Variants in C6 observed in about 807,000 individuals in gnomAD.
The protein encoded by C6 is complement component C6.
C6 carries 101 observed loss-of-function variants against 112.9 expected under a neutral mutation model. The observed-to-expected ratio is 0.89, with a 90% CI of 0.76 to 1.06. The LOEUF (loss-of-function observed/expected upper bound fraction) is 1.06, where lower values mean the gene tolerates loss of function less well. C6 is among the 50% of genes least tolerant of loss of function. The pLI is 0.00. For missense variants in C6, 1,202 were observed against 1,104.6 expected, an observed-to-expected ratio of 1.09 and a Z score of -1.25; for synonymous variants, 431 against 384.1, an observed-to-expected ratio of 1.12 and a Z score of -1.43.
At chr5:41,245,968 T>A (rs1204184433) in intron 1 of C6, among the ~76,000 whole-genome samples, 2 of 152,216 alleles carry the variant, frequency 1.3e-5, no homozygotes, top group Non-Finnish European at 2.9e-5. Context: ...AATAGGAAAT[T>A]ATCCCTCTGA....
rs1392821236 is a variant in C6, at chr5:41,160,360, G to C, written c.1466C>G (p.Pro489Arg). Residue 489 changes from proline (P) to arginine (R), a missense_variant, in exon 11 of 18, where the codon CCC becomes CGC. By Grantham distance (103) the Pro-to-Arg change is moderately radical. Coordinates refer to ENST00000337836, the MANE Select transcript of C6 (RefSeq NM_000065.5). The stretch of plus-strand genomic sequence containing the variant: ...GATGTTTCTTACCAAGTCCACGATG[G>C]GGGCAAGCTAGGAGAAAATGGGAGA... ...NPAVIDFELA[P>R]IVDLVRNIPC... The C allele has an allele frequency of 2.5e-6, 4 of 1,613,480 alleles. No individual in the cohort carries two copies. The highest frequency in any genetic ancestry group is 3.4e-6 in the Non-Finnish European group (4 of 1,179,570).
intron 5 of C6, among the ~76,000 whole-genome samples, chr5:41,193,765 C>T (rs750253830): frequency 6.6e-4 from 98 of 148,180 alleles, no homozygotes; most frequent in Non-Finnish European, 1.1e-3. Context: ...GGAGAAATAT[C>T]AGTTAAGAAG....
intron 1 of C6, among the ~76,000 whole-genome samples, chr5:41,248,933 G>T (rs1418721758): frequency 1.3e-5 from 2 of 152,082 alleles, no homozygotes; most frequent in South Asian, 4.2e-4. Flanking sequence ...GGTCATCAAT[G>T]GTGGATTGGT....
At chr5:41,225,868 A>T (rs1739463090) in intron 1 of C6, among the ~76,000 whole-genome samples, 2 of 152,224 alleles carry the variant, frequency 1.3e-5, no homozygotes, top group South Asian at 4.1e-4. Context: ...TCCCTATTTA[A>T]TAAATGGTGC....
rs549375714 is a variant in C6 at position 41,252,398 on chromosome 5, C to A, written c.-21+8796G>T. Among the ~76,000 whole-genome samples, 19 of 152,246 alleles carry A rather than the reference C, an allele frequency of 1.2e-4. No homozygotes were observed. In the East Asian group the frequency reaches 3.7e-3, roughly 29 times the overall value. On this transcript the variant is annotated intron_variant, in intron 1 of 17. Transcript: ENST00000263413. ...CAGTTATGCCTCATTATACCCCTCCCTTTGGAGTTGAGGCAAAACTGACCA... is the reference window on the plus strand; with the variant it reads ...CAGTTATGCCTCATTATACCCCTCCATTTGGAGTTGAGGCAAAACTGACCA...
intron 1 of C6, among the ~76,000 whole-genome samples, chr5:41,257,973 T>C (rs2150446043): frequency 6.6e-6 from 1 of 152,244 alleles, no homozygotes; most frequent in East Asian, 1.9e-4. Flanking sequence ...AAATTTCACA[T>C]AGAAAAAAAT....
rs1425152497 is a variant in C6, at chr5:41,199,807, C to T, written c.406G>A (p.Glu136Lys). 1 of 1,613,670 alleles carries T rather than the reference C, an allele frequency of 6.2e-7. No individual in the cohort carries two copies. Among genetic ancestry groups the T allele is most frequent in the Non-Finnish European group, 8.5e-7 (1 of 1,179,756 alleles). The change falls in exon 4 of 18, where the codon GAA becomes AAA. Residue 136 changes from glutamate (E) to lysine (K), a missense_variant. Physicochemically the swap from Glu to Lys is moderately conservative, Grantham distance 56 (BLOSUM62 1). Coordinates refer to ENST00000337836, the MANE Select transcript of C6 (RefSeq NM_000065.5). ...AATTTATTCTTGCAGTCAGCCTCTT[C>T]AATTTTGCAGAGCTTAGATGGAATG... is the stretch of plus-strand genomic sequence containing the variant. ...PCIPSKLCKIEEADCKNKFRC... is the reference protein window; with the variant it reads ...PCIPSKLCKIKEADCKNKFRC...
intron 1 of C6, among the ~76,000 whole-genome samples, chr5:41,233,181 T>G (rs1405594293): frequency 6.6e-6 from 1 of 152,106 alleles, no homozygotes; most frequent in Non-Finnish European, 1.5e-5. Flanking sequence ...AAATTTTAAT[T>G]AACATTTTTA....
At position 41,142,651 on chromosome 5, in the gene C6, C is replaced by A; in HGVS notation, c.*174G>T. 1 of 645,274 alleles carries A rather than the reference C, an allele frequency of 1.5e-6. No individual in the cohort carries two copies. Among genetic ancestry groups the A allele is most frequent in the Non-Finnish European group, 2.8e-6 (1 of 354,204 alleles). The allele number at this position is 645,274 out of a possible 1,614,324, so 40.0% of individuals were successfully genotyped here. Reference sequence around the variant, plus strand: ...CGTCATGAGCTGGAACTGAATAAGACATGCCCAAACAGGAGAGTCAGGGGA... The same window carrying A: ...CGTCATGAGCTGGAACTGAATAAGAAATGCCCAAACAGGAGAGTCAGGGGA... On this transcript the variant is annotated 3_prime_UTR_variant, in exon 18 of 18. Transcript: ENST00000337836.
intron 1 of C6, among the ~76,000 whole-genome samples, chr5:41,245,949 C>T (rs895173202): frequency 1.3e-5 from 2 of 152,066 alleles, no homozygotes; most frequent in Non-Finnish European, 2.9e-5. Context: ...ATTCTGGCCT[C>T]CTAAAATGAA....
intron 9 of C6, among the ~76,000 whole-genome samples, chr5:41,165,431 C>T (rs1747897192): frequency 1.3e-5 from 2 of 152,104 alleles, no homozygotes; most frequent in African/African-American, 4.8e-5. Flanking sequence ...GTTCTACTGC[C>T]AATACTTGTT....
Position 41,221,345 on chromosome 5 carries a change from C to T in C6, c.-20-18095G>A, listed in dbSNP as rs866283699. Among the ~76,000 whole-genome samples the T allele has an allele frequency of 2.9e-4, 44 of 152,180 alleles. No homozygotes were observed. The Middle Eastern group carries it at 0.01, about 35-fold the overall frequency. On this transcript the variant is annotated intron_variant, in intron 1 of 17. Coordinates refer to the C6 transcript ENST00000263413. ...CTCCAAAAGGATGAAAATTGATGTT[C>T]GTGGGGTTGGTGAAATATTCTCAGT...
At chr5:41,231,148 T>G (rs905758000) in intron 1 of C6, among the ~76,000 whole-genome samples, 5 of 152,174 alleles carry the variant, frequency 3.3e-5, no homozygotes, top group African/African-American at 1.2e-4. Flanking sequence ...AATACATTTA[T>G]TTTTTATCCA....
At chr5:41,203,442 G>A (rs2150370259) in intron 1 of C6, 192 bp from the exon 2 acceptor site, 1 of 558,104 alleles carries the variant, frequency 1.8e-6, no homozygotes, top group East Asian at 3.3e-5. Flanking sequence ...TTTTAGGGTG[G>A]AGATTACCAT....
intron 8 of C6, among the ~76,000 whole-genome samples, chr5:41,173,326 A>G (rs1377320720): frequency 6.6e-6 from 1 of 152,124 alleles, no homozygotes; most frequent in Admixed American, 6.6e-5. Flanking sequence ...CACTCCCACC[A>G]CAGTCCTGTG....
intron 9 of C6, among the ~76,000 whole-genome samples, chr5:41,166,669 C>T (rs958452503): frequency 1.4e-4 from 22 of 152,024 alleles, no homozygotes; most frequent in Non-Finnish European, 1.2e-4. Flanking sequence ...AAACATAATA[C>T]AGTGTGATGA....
At chr5:41,178,495 G>A (rs11741323) in intron 7 of C6, among the ~76,000 whole-genome samples, 14,106 of 46,568 alleles carry the variant, frequency 0.3, 847 homozygotes, top group Admixed American at 0.37. Flanking sequence ...TTGTGAGATG[G>A]AGACAGAGCT....
chr5:41,205,544 T>C (rs1204649705), intron 1 of C6, among the ~76,000 whole-genome samples: 1 of 152,132 alleles, frequency 6.6e-6, no homozygotes, highest in Non-Finnish European at 1.5e-5. Context: ...TTTCCAATGG[T>C]CTTAGCAAAT....
intron 1 of C6, among the ~76,000 whole-genome samples, chr5:41,224,438 C>A (rs2962285): frequency 6.6e-6 from 1 of 151,948 alleles, no homozygotes; most frequent in African/African-American, 2.4e-5. Flanking sequence ...TAGGCACTAC[C>A]AATCTACTTT....
Sources: gnomAD v4.1 joint callset for allele counts (sites outside exome capture counted in the v4.1 genomes callset) on GRCh38, gnomAD v4.1.1 for gene constraint, MANE v1.5 for transcripts, NCBI Gene and HGNC (gene_info 2026-07-23, HGNC 2026-07-21) for gene names.